The following MYH10 variants were observed in gnomAD, a reference collection of about 807,000 sequenced individuals.
MYH10 encodes the protein myosin heavy chain 10.
MYH10 carries 55 observed loss-of-function variants against 257.8 expected under a neutral mutation model. The observed-to-expected ratio is 0.21, with a 90% CI of 0.17 to 0.27. MYH10 has a LOEUF of 0.27. MYH10 is among the 10% of genes least tolerant of loss of function. The probability of loss-of-function intolerance (pLI) is 1.00; values close to 1 mark genes in which losing one functional copy is unlikely to be tolerated. For missense variants in MYH10, 1,631 were observed against 2,500.6 expected (o/e 0.65, Z 7.42); for synonymous variants, 854 against 921.7 (o/e 0.93, Z 1.33).
In MYH10 at chr17:8,484,162, T is replaced by G. The variant is rs1914362131; in HGVS notation, c.5151A>C (p.Glu1717Asp). ...CCTCCTGCAATTGAAGGATTTCTGC[T>G]TCCAGACTCTTCAATTTCTTTTCAC... is the stretch of plus-strand genomic sequence containing the variant. The part of the protein sequence containing the change: ...KESEKKLKSL[E>D]AEILQLQEEL... The change falls in exon 37 of 43, where the codon GAA (glutamate) becomes GAC (aspartate). Residue 1717 changes from glutamate (E) to aspartate (D), a missense_variant. Around this residue, in one of 11 missense-constraint regions of MYH10, gnomAD observed 6 missense variants for 20.5 expected, o/e 0.29. Coordinates refer to ENST00000360416, the MANE Select transcript of MYH10 (RefSeq NM_001256012.3). The G allele has an allele frequency of 6.2e-7, 1 of 1,607,704 alleles. No individual in the cohort carries two copies. The highest frequency in any genetic ancestry group is 1.3e-5 in the African/African-American group (1 of 74,554).
intron 27 of MYH10, among the ~76,000 whole-genome samples, chr17:8,505,406 T>C (rs2081044449): frequency 6.6e-6 from 1 of 152,226 alleles, no homozygotes; most frequent in African/African-American, 2.4e-5. Flanking sequence ...TTTGTTTATG[T>C]CTGTGGTTTA....
intron 1 of MYH10, among the ~76,000 whole-genome samples, chr17:8,624,979 T>G (rs1169852748): frequency 1.3e-5 from 2 of 152,184 alleles, no homozygotes; most frequent in African/African-American, 4.8e-5. Context: ...CTGGGTGCAG[T>G]AGCTCATGCC....
At chr17:8,554,562 T>C (rs1416910574) in intron 7 of MYH10, among the ~76,000 whole-genome samples, 1 of 152,240 alleles carries the variant, frequency 6.6e-6, no homozygotes, top group East Asian at 1.9e-4. Flanking sequence ...TTACTATACA[T>C]AACTGTTTTA....
intron 4 of MYH10, among the ~76,000 whole-genome samples, chr17:8,581,732 G>A (rs1414783899): frequency 6.6e-6 from 1 of 152,046 alleles, no homozygotes; most frequent in Non-Finnish European, 1.5e-5. Context: ...CTCAACTAAA[G>A]CATATAGATG....
At position 8,499,325 on chromosome 17, in the gene MYH10, A is replaced by G. The variant is rs751431868; in HGVS notation, c.3896T>C (p.Val1299Ala). The G allele has an allele frequency of 1.2e-6, 2 of 1,613,992 alleles. No homozygotes were observed. The highest frequency in any genetic ancestry group is 2.2e-5 in the South Asian group (2 of 91,070). Residue 1299 changes from valine to alanine, a missense_variant, in exon 30 of 43, where the codon GTC (valine) becomes GCC (alanine). Val to Ala is a moderately conservative substitution (Grantham distance 64, BLOSUM62 0). Transcript: ENST00000360416. ...CACCCTGAGCCTGTCGCCTTCAGAG[A>G]CCTTGGCATGGAGCTCCTGGACCTG... ...DAQVQELHAK[V>A]SEGDRLRVEL...
chr17:8,585,085 C>T (rs796491405), intron 4 of MYH10, among the ~76,000 whole-genome samples: 18 of 151,814 alleles, frequency 1.2e-4, no homozygotes, highest in South Asian at 4.2e-4. Context: ...TCAGGTGATC[C>T]GCCCACCTTG....
At chr17:8,512,799 C>T (rs1250378764) in intron 23 of MYH10, 142 bp from the exon 24 acceptor site, 9 of 684,486 alleles carry the variant, frequency 1.3e-5, no homozygotes, top group East Asian at 5.7e-5. Flanking sequence ...CTTTCAAATA[C>T]GTTTTTGTCT....
rs761903590 is a variant in MYH10 at position 8,490,430 on chromosome 17, G to T, written c.4794C>A (p.Val1598=). 1 of 1,614,002 alleles carries T rather than the reference G, an allele frequency of 6.2e-7. No individual in the cohort carries two copies. The highest frequency in any genetic ancestry group is 1.3e-5 in the African/African-American group (1 of 74,890). ...ATEDAKLRLE[V]NMQAMKAQFE... ...ACTGCGCCTTCATGGCCTGCATGTT[G>T]ACCTCCAGACGAAGCTTGGCATCTT... Residue 1598 remains valine, a synonymous_variant, in exon 35 of 43, where the codon GTC becomes GTA. Coordinates refer to ENST00000360416, the MANE Select transcript of MYH10 (RefSeq NM_001256012.3). The surrounding 1 kb of genome is among the most constrained non-coding windows in gnomAD (Gnocchi z 4.1).
intron 4 of MYH10, among the ~76,000 whole-genome samples, chr17:8,588,390 A>C (rs1036390469): frequency 6.6e-6 from 1 of 151,714 alleles, no homozygotes; most frequent in Admixed American, 6.6e-5. Context: ...ATTATCATCC[A>C]CTCCAAACCT....
At chr17:8,536,713 C>T (rs1338076075) in intron 14 of MYH10, among the ~76,000 whole-genome samples, 2 of 149,970 alleles carry the variant, frequency 1.3e-5, no homozygotes, top group Admixed American at 6.7e-5. Flanking sequence ...GCAGGAGAAT[C>T]GGTTGAACCT....
chr17:8,584,586 T>C (rs1402976465), intron 4 of MYH10, among the ~76,000 whole-genome samples: 1 of 152,218 alleles, frequency 6.6e-6, no homozygotes, highest in Non-Finnish European at 1.5e-5. Context: ...GTCTAGTGTA[T>C]GGCATTTTTT....
At chr17:8,626,672 A>C (rs2085695253) in intron 1 of MYH10, among the ~76,000 whole-genome samples, 1 of 151,366 alleles carries the variant, frequency 6.6e-6, no homozygotes, top group Admixed American at 6.6e-5. Flanking sequence ...GGGAAACATC[A>C]CAGGTAAATT....
At chr17:8,624,696 C>A (rs536155829) in intron 1 of MYH10, among the ~76,000 whole-genome samples, 1 of 152,126 alleles carries the variant, frequency 6.6e-6, no homozygotes, top group Non-Finnish European at 1.5e-5. Flanking sequence ...TGTGCTATAA[C>A]GTTCTCTAGA....
chr17:8,495,369 TA>T (rs1384802211), intron 30 of MYH10, 128 bp from the exon 31 acceptor site: 22 of 631,842 alleles, frequency 3.5e-5, no homozygotes, highest in Non-Finnish European at 5.3e-5. Flanking sequence ...CCCATTCAGT[TA>T]AGGAAGACTC....
intron 13 of MYH10, among the ~76,000 whole-genome samples, chr17:8,544,153 G>A (rs1567875015): frequency 6.6e-6 from 1 of 152,114 alleles, no homozygotes. Flanking sequence ...GTTTCCTAAA[G>A]GTGGGCATTT....
At chr17:8,613,964 A>T (rs917816158) in intron 2 of MYH10, among the ~76,000 whole-genome samples, 2 of 152,214 alleles carry the variant, frequency 1.3e-5, no homozygotes, top group African/African-American at 4.8e-5. Context: ...AGAAAACAAC[A>T]TCACTAAAAA....
At chr17:8,592,199 C>G (rs775752712) in intron 3 of MYH10, among the ~76,000 whole-genome samples, 3 of 152,074 alleles carry the variant, frequency 2.0e-5, no homozygotes, top group Non-Finnish European at 2.9e-5. Context: ...AAATCATTTT[C>G]TAAACATGAG....
chr17:8,545,797 G>A lies in MYH10; in HGVS notation c.1279-197C>T, dbSNP rs1308826732. On this transcript the variant is annotated intron_variant, in intron 12 of 42. Coordinates refer to ENST00000360416, the MANE Select transcript of MYH10 (RefSeq NM_001256012.3). This position sits in a 1 kb window ranked among gnomAD's most constrained non-coding sequence, Gnocchi z 4.7. ...ATGAACACAGGGAATAACGAATTTG[G>A]GGGATGGGTAAAGACGCCTAATAAA... Among the ~76,000 whole-genome samples, 2 of 152,116 alleles carry A rather than the reference G, an allele frequency of 1.3e-5. No individual in the cohort carries two copies. The highest frequency in any genetic ancestry group is 2.9e-5 in the Non-Finnish European group (2 of 68,030).
intron 21 of MYH10, 129 bp downstream of exon 21, chr17:8,518,502 G>T: frequency 1.1e-6 from 1 of 927,722 alleles, no homozygotes; most frequent in Non-Finnish European, 1.6e-6. Context: ...GACTATCTCT[G>T]CCACTATAAA....
Sources: gnomAD v4.1 joint callset for allele counts (sites outside exome capture counted in the v4.1 genomes callset) on GRCh38, gnomAD v4.1.1 for gene constraint, gnomAD v4.1.1 regional missense constraint, Gnocchi (gnomAD v3.1) non-coding constraint, MANE v1.5 for transcripts, NCBI Gene and HGNC (gene_info 2026-07-23, HGNC 2026-07-21) for gene names.